The following GALNTL6 variants were observed in gnomAD, a reference collection of about 807,000 sequenced individuals.
The protein encoded by GALNTL6 is polypeptide N-acetylgalactosaminyltransferase-like 6.
Under a neutral mutation model 73.7 loss-of-function variants are expected in GALNTL6, and 46 were observed. That is an observed-to-expected ratio of 0.62 (90% confidence interval 0.49 to 0.80). The LOEUF is 0.80. GALNTL6 is among the 30% of genes least tolerant of loss of function. The probability of loss-of-function intolerance (pLI) is 0.00; values close to 1 mark genes in which losing one functional copy is unlikely to be tolerated. For synonymous variants in GALNTL6, 259 were observed against 263.7 expected (o/e 0.98, Z 0.17); for missense variants, 604 against 755.0 (o/e 0.80, Z 2.34).
chr4:171,947,709 G>T (rs1578997321), intron 2 of GALNTL6, among the ~76,000 whole-genome samples: 1 of 152,148 alleles, frequency 6.6e-6, no homozygotes, highest in Middle Eastern at 3.4e-3. Flanking sequence ...CATGACCCAG[G>T]TTCAGTTCAA....
intron 5 of GALNTL6, among the ~76,000 whole-genome samples, chr4:172,364,489 T>A (rs1472395835): frequency 6.6e-6 from 1 of 152,188 alleles, no homozygotes; most frequent in Non-Finnish European, 1.5e-5. Context: ...GGGAGTCTTA[T>A]ATTAAATGCA....
intron 3 of GALNTL6, among the ~76,000 whole-genome samples, chr4:172,279,605 G>T (rs1579327081): frequency 6.6e-6 from 1 of 152,200 alleles, no homozygotes; most frequent in East Asian, 1.9e-4. Flanking sequence ...GGATTTTTGT[G>T]CACTGCCCTG....
intron 2 of GALNTL6, among the ~76,000 whole-genome samples, chr4:172,156,549 A>ATATATAGTG (rs1560945640): frequency 1.5e-5 from 1 of 65,942 alleles, no homozygotes; most frequent in African/African-American, 5.9e-5. Context: ...TAATATATAT[A>ATATATAGTG]TATATATATA....
At chr4:171,908,992 T>G (rs1737387680) in intron 2 of GALNTL6, among the ~76,000 whole-genome samples, 2 of 76,456 alleles carry the variant, frequency 2.6e-5, no homozygotes, top group African/African-American at 5.3e-5. Flanking sequence ...TGGGGACTGT[T>G]GTGGGGTGGG....
Position 172,415,122 on chromosome 4 carries a change from G to A in GALNTL6, c.553+66433G>A, listed in dbSNP as rs772044571. Reference sequence around the variant, plus strand: ...TTCCCCAAGAAATGAACTTTCTGTCGTCAAAGTAATTACAGAAAGCATTTT... The same window carrying A: ...TTCCCCAAGAAATGAACTTTCTGTCATCAAAGTAATTACAGAAAGCATTTT... On this transcript the variant is annotated intron_variant, in intron 5 of 12. Coordinates refer to ENST00000506823, the MANE Select transcript of GALNTL6 (RefSeq NM_001034845.3). 9.0e-4 allele frequency among the ~76,000 whole-genome samples: 137 copies of A among 152,128 alleles called. 1 individual carries two copies. The highest frequency in any genetic ancestry group is 3.9e-4 in the African/African-American group (16 of 41,500).
intron 2 of GALNTL6, among the ~76,000 whole-genome samples, chr4:171,986,758 G>C (rs1214256428): frequency 6.6e-6 from 1 of 152,114 alleles, no homozygotes; most frequent in Non-Finnish European, 1.5e-5. Context: ...TGGAGTAAGA[G>C]AAGGAGAAAA....
chr4:172,922,822 G>C (rs1474479863), intron 8 of GALNTL6, among the ~76,000 whole-genome samples: 1 of 152,236 alleles, frequency 6.6e-6, no homozygotes, highest in Non-Finnish European at 1.5e-5. Context: ...ATAGTCTGGT[G>C]AGGGGAGGCA....
At chr4:172,230,805 C>A (rs1279797004) in intron 3 of GALNTL6, among the ~76,000 whole-genome samples, 1 of 152,016 alleles carries the variant, frequency 6.6e-6, no homozygotes, top group Non-Finnish European at 1.5e-5. Flanking sequence ...GACATCTCAG[C>A]AGCCCTGAGA....
intron 2 of GALNTL6, among the ~76,000 whole-genome samples, chr4:172,072,567 C>G (rs1437572826): frequency 6.6e-6 from 1 of 152,148 alleles, no homozygotes; most frequent in South Asian, 2.1e-4. Flanking sequence ...CAGAACTATT[C>G]AGATCTACCT....
At chr4:172,333,129 G>A (rs1341947826) in intron 4 of GALNTL6, among the ~76,000 whole-genome samples, 1 of 152,110 alleles carries the variant, frequency 6.6e-6, no homozygotes, top group Non-Finnish European at 1.5e-5. Context: ...CTGATGGCCG[G>A]GTGCAGTGGC....
chr4:172,942,292 TA>T (rs1437063494), intron 9 of GALNTL6, among the ~76,000 whole-genome samples: 1 of 152,162 alleles, frequency 6.6e-6, no homozygotes, highest in Non-Finnish European at 1.5e-5. Flanking sequence ...GTCTGGGAAA[TA>T]AAACAAGGTC....
chr4:172,485,992 T>G (rs892762681), intron 5 of GALNTL6, among the ~76,000 whole-genome samples: 1 of 152,308 alleles, frequency 6.6e-6, no homozygotes, highest in South Asian at 2.1e-4. Flanking sequence ...TATTCACCAT[T>G]GACTAAAGTT....
At chr4:172,606,667 A>ATATATAGTATATATATAC (rs1560832464) in intron 5 of GALNTL6, among the ~76,000 whole-genome samples, 1 of 44,896 alleles carries the variant, frequency 2.2e-5, no homozygotes, top group African/African-American at 4.6e-5. Flanking sequence ...TATATACTAT[A>ATATATAGTATATATATAC]TATATATACT....
intron 11 of GALNTL6, among the ~76,000 whole-genome samples, chr4:173,010,941 C>T (rs544542837): frequency 6.6e-6 from 1 of 152,154 alleles, no homozygotes; most frequent in South Asian, 2.1e-4. Context: ...AAACTGTTCT[C>T]CATAGTACCT....
intron 2 of GALNTL6, among the ~76,000 whole-genome samples, chr4:171,962,815 A>C (rs1739265418): frequency 7.7e-6 from 1 of 129,584 alleles, no homozygotes; most frequent in Non-Finnish European, 1.5e-5. Flanking sequence ...TCGCCAGGCA[A>C]GAGTGCAGTG....
chr4:172,297,488 G>A (rs1739728926), intron 3 of GALNTL6, among the ~76,000 whole-genome samples: 1 of 152,016 alleles, frequency 6.6e-6, no homozygotes, highest in African/African-American at 2.4e-5. Flanking sequence ...TATGGTTTTA[G>A]GTCTAACATA....
At chr4:172,924,448 C>G (rs1217726472) in intron 8 of GALNTL6, among the ~76,000 whole-genome samples, 1 of 152,252 alleles carries the variant, frequency 6.6e-6, no homozygotes, top group East Asian at 1.9e-4. Context: ...GTGCTCACTA[C>G]GTATTTGTTC....
At chr4:172,743,302 G>T (rs1035314962) in intron 5 of GALNTL6, among the ~76,000 whole-genome samples, 1 of 151,896 alleles carries the variant, frequency 6.6e-6, no homozygotes, top group Non-Finnish European at 1.5e-5. Context: ...ACCCCCTCAG[G>T]CTCCACTAAA....
intron 7 of GALNTL6, among the ~76,000 whole-genome samples, chr4:172,824,347 G>T (rs1312960518): frequency 6.6e-6 from 1 of 151,006 alleles, no homozygotes; most frequent in Admixed American, 6.6e-5. Flanking sequence ...GTCAGAACCT[G>T]ACTTCCATGG....
Sources: allele counts gnomAD v4.1 joint callset (sites outside exome capture counted in the v4.1 genomes callset), GRCh38; gene constraint gnomAD v4.1.1; transcripts MANE v1.5; gene names NCBI Gene and HGNC (gene_info 2026-07-23, HGNC 2026-07-21).